The following NCOR1 variants were observed in gnomAD, a reference collection of about 807,000 sequenced individuals.
The protein encoded by NCOR1 is protein phosphatase 1, regulatory subunit 109.
Under a neutral mutation model 288.1 loss-of-function variants are expected in NCOR1, and 63 were observed. That is an observed-to-expected ratio of 0.22 (90% CI 0.18 to 0.27). The LOEUF (loss-of-function observed/expected upper bound fraction) is 0.27, where lower values mean the gene tolerates loss of function less well. NCOR1 is among the 10% of genes least tolerant of loss of function. The probability of loss-of-function intolerance (pLI) is 1.00; values close to 1 mark genes in which losing one functional copy is unlikely to be tolerated. For missense variants in NCOR1, 2,397 were observed against 3,019.2 expected (o/e 0.79, Z 4.83); for synonymous variants, 1,007 against 1,065.9 (o/e 0.94, Z 1.08).
chr17:16,212,714 C>A (rs1313487199), intron 1 of NCOR1, among the ~76,000 whole-genome samples: 3 of 152,128 alleles, frequency 2.0e-5, no homozygotes, highest in Non-Finnish European at 1.5e-5. Flanking sequence ...AAGGCCTTTG[C>A]CTTCTACAGC....
At chr17:16,129,175 A>C (rs1568219019) in intron 14 of NCOR1, among the ~76,000 whole-genome samples, 1 of 152,162 alleles carries the variant, frequency 6.6e-6, no homozygotes, top group Non-Finnish European at 1.5e-5. Context: ...ATGGCCATTA[A>C]ACTCCCCACA....
At chr17:16,188,067 T>G (rs931279790) in intron 2 of NCOR1, among the ~76,000 whole-genome samples, 1 of 152,172 alleles carries the variant, frequency 6.6e-6, no homozygotes, top group African/African-American at 2.4e-5. Flanking sequence ...GTAGTGGTGA[T>G]AGCTGCACAA....
chr17:16,108,659 A>C, intron 19 of NCOR1, 127 bp downstream of exon 19: 1 of 654,384 alleles, frequency 1.5e-6, no homozygotes, highest in East Asian at 2.9e-5. Flanking sequence ...TCAAGTTTGA[A>C]GTCTCCACAC....
At position 16,137,520 on chromosome 17, in the gene NCOR1, A is replaced by G. The variant is rs573530826; in HGVS notation, c.1408-108T>C. ...TCTGGTATTCTGAAAGTAAAATTAA[A>G]GAAAAAGAACAACATACATTGCTAG... is the stretch of plus-strand genomic sequence containing the variant. On this transcript the variant is annotated intron_variant, in intron 13 of 45. Transcript: ENST00000268712. 6.6e-6 allele frequency: 4 copies of G among 603,382 alleles called. No homozygotes were observed. In the Admixed American group the frequency reaches 1.1e-4, roughly 16 times the overall value. The allele number at this position is 603,382 out of a possible 1,614,324, so 37.4% of individuals were successfully genotyped here.
At chr17:16,102,680 G>A (rs2067857540) in intron 19 of NCOR1, among the ~76,000 whole-genome samples, 1 of 151,688 alleles carries the variant, frequency 6.6e-6, no homozygotes, top group Non-Finnish European at 1.5e-5. Context: ...TGCAGCCTCC[G>A]CCTCCCAGGT....
intron 3 of NCOR1, among the ~76,000 whole-genome samples, chr17:16,174,387 GC>G (rs770755244): frequency 2.0e-5 from 3 of 152,124 alleles, no homozygotes; most frequent in African/African-American, 7.2e-5. Flanking sequence ...GCCCTCAGTT[GC>G]CCCCTCAGCT....
intron 19 of NCOR1, among the ~76,000 whole-genome samples, chr17:16,107,563 C>T (rs1294014697): frequency 6.6e-6 from 1 of 152,168 alleles, no homozygotes; most frequent in Non-Finnish European, 1.5e-5. Flanking sequence ...TCAGTTGCTG[C>T]AGCCACCCAA....
chr17:16,108,945 T>A (rs762405638), intron 18 of NCOR1, 33 bp from the exon 19 acceptor site: 1 of 1,504,162 alleles, frequency 6.6e-7, no homozygotes, highest in Non-Finnish European at 8.9e-7. Context: ...TTGATTTAAA[T>A]AACTAAAAAG....
At chr17:16,110,750 C>T (rs1053434588) in intron 18 of NCOR1, among the ~76,000 whole-genome samples, 48 of 152,196 alleles carry the variant, frequency 3.2e-4, no homozygotes, top group African/African-American at 9.9e-4. Context: ...ACTCAACATT[C>T]TCATGCGGAT....
At chr17:16,154,014 CCTTT>C (rs1383306788) in intron 6 of NCOR1, among the ~76,000 whole-genome samples, 1 of 133,234 alleles carries the variant, frequency 7.5e-6, no homozygotes, top group African/African-American at 3.0e-5. Context: ...TATGCTATTT[CCTTT>C]TTTTTTTTTT....
At chr17:16,037,687 T>C (rs1228680753) in intron 44 of NCOR1, among the ~76,000 whole-genome samples, 1 of 152,156 alleles carries the variant, frequency 6.6e-6, no homozygotes, top group African/African-American at 2.4e-5. Flanking sequence ...AAATAATATG[T>C]AAAGGAAAAA....
In NCOR1 at chr17:16,056,308, C is replaced by CTTTTTTTT. The variant is rs71299858; in HGVS notation, c.6392+1198_6392+1205dup. On this transcript the variant is annotated intron_variant, in intron 40 of 45. Transcript: ENST00000268712. ...GTCTTGTTCTCAGCATTCTTTTTAT[C>CTTTTTTTT]TTTTTTTTTTTTTTTTTTTTTTGAG... Among the ~76,000 whole-genome samples the CTTTTTTTT allele has an allele frequency of 5.9e-3, 565 of 95,898 alleles. 1 individual carries two copies. Among genetic ancestry groups the CTTTTTTTT allele is most frequent in the East Asian group, 6.5e-3 (22 of 3,404 alleles). 62.9% of individuals were successfully genotyped at this position (95,898 alleles called of 152,430 possible).
intron 29 of NCOR1, 111 bp from the exon 30 acceptor site, chr17:16,071,776 T>A: frequency 1.0e-6 from 1 of 989,844 alleles, no homozygotes; most frequent in Non-Finnish European, 1.5e-6. Context: ...ACATATATTT[T>A]AACATAATTT....
At chr17:16,199,974 T>C (rs147186573) in intron 1 of NCOR1, among the ~76,000 whole-genome samples, 4,759 of 152,216 alleles carry the variant, frequency 0.031, 251 homozygotes, top group African/African-American at 0.11. Flanking sequence ...ATGAAATTGA[T>C]CTATTTAAGT....
chr17:16,070,769 C>A (rs569591004), intron 30 of NCOR1, among the ~76,000 whole-genome samples: 1 of 152,320 alleles, frequency 6.6e-6, no homozygotes, highest in East Asian at 1.9e-4. Context: ...GTGGTTCACA[C>A]CTGTAATCCC....
chr17:16,106,008 G>A (rs2068555785), intron 19 of NCOR1, among the ~76,000 whole-genome samples: 1 of 152,140 alleles, frequency 6.6e-6, no homozygotes, highest in Admixed American at 6.5e-5. Flanking sequence ...GCTGAGGCAG[G>A]GGAATTGCTT....
At chr17:16,187,897 C>CT (rs1027462801) in intron 2 of NCOR1, among the ~76,000 whole-genome samples, 12 of 139,308 alleles carry the variant, frequency 8.6e-5, no homozygotes, top group Admixed American at 2.9e-4. Flanking sequence ...AAGACACCAT[C>CT]TTTAAAAAAA....
At chr17:16,095,776 T>C in intron 21 of NCOR1, among the ~76,000 whole-genome samples, 1 of 147,514 alleles carries the variant, frequency 6.8e-6, no homozygotes, top group Non-Finnish European at 1.5e-5. Flanking sequence ...CTGCCCCTAC[T>C]GGGAAGTGAG....
chr17:16,050,254 GCT>G (rs1039781572), intron 40 of NCOR1, among the ~76,000 whole-genome samples: 6 of 148,430 alleles, frequency 4.0e-5, no homozygotes, highest in Admixed American at 1.3e-4. Context: ...ACAGAGTCTT[GCT>G]CTGTCACCCA....
Sources: allele counts gnomAD v4.1 joint callset (sites outside exome capture counted in the v4.1 genomes callset), GRCh38; gene constraint gnomAD v4.1.1; transcripts MANE v1.5; gene names NCBI Gene and HGNC (gene_info 2026-07-23, HGNC 2026-07-21).